The following TSBP1 variants were observed in gnomAD, a reference collection of about 807,000 sequenced individuals.
TSBP1 encodes the protein testis expressed basic protein 1.
A neutral mutation model predicts 68.8 loss-of-function variants in TSBP1; 56 were observed. That is an observed-to-expected ratio of 0.81 (90% CI 0.66 to 1.02). The LOEUF is 1.02. Ranked by LOEUF, TSBP1 falls within the 50% of genes least tolerant of loss-of-function variation. The pLI is 0.00. For synonymous variants in TSBP1, 171 were observed against 208.7 expected (o/e 0.82, Z 1.56); for missense variants, 502 against 641.2 (o/e 0.78, Z 2.34).
chr6:32,312,132 C>T (rs571653155), intron 19 of TSBP1, among the ~76,000 whole-genome samples: 3 of 152,202 alleles, frequency 2.0e-5, no homozygotes, highest in African/African-American at 4.8e-5. Context: ...TAGGCATGGT[C>T]GAGTTCTTGT....
intron 16 of TSBP1, among the ~76,000 whole-genome samples, chr6:32,327,666 C>CTTTCTTTTTT (rs1768389286): frequency 1.2e-5 from 1 of 84,128 alleles, no homozygotes; most frequent in Admixed American, 1.3e-4. Context: ...TTTTTTTTTT[C>CTTTCTTTTTT]TTTTTGAGAC....
At chr6:32,355,206 A>T in intron 7 of TSBP1, 62 bp from the exon 8 acceptor site, 2 of 1,543,972 alleles carry the variant, frequency 1.3e-6, no homozygotes, top group Non-Finnish European at 1.8e-6. Flanking sequence ...TAATCTTTAC[A>T]TATCAGCTTC....
chr6:32,328,499 T>G (rs1768542313), intron 16 of TSBP1, among the ~76,000 whole-genome samples: 1 of 151,612 alleles, frequency 6.6e-6, no homozygotes, highest in Non-Finnish European at 1.5e-5. Context: ...CACTGCAATC[T>G]CCACCTCCCA....
chr6:32,360,886 T>C (rs201235238), intron 6 of TSBP1, among the ~76,000 whole-genome samples: 3,970 of 151,946 alleles, frequency 0.026, 122 homozygotes, highest in East Asian at 0.15. Context: ...TCTCTCTCTT[T>C]TTTTTTATTA....
chr6:32,345,161 CT>C (rs111305323), intron 9 of TSBP1, among the ~76,000 whole-genome samples: 9,918 of 141,022 alleles, frequency 0.07, 327 homozygotes, highest in South Asian at 0.1. Flanking sequence ...GGCCCTTAGT[CT>C]TTTTTTTTTT....
At position 32,302,560 on chromosome 6, in the gene TSBP1, C is replaced by T. The variant is rs1325091993; in HGVS notation, c.601+49G>A. 7.7e-7 allele frequency: 1 copy of T among 1,292,682 alleles called. No homozygotes were observed. Among genetic ancestry groups the T allele is most frequent in the Non-Finnish European group, 1.1e-6 (1 of 903,998 alleles). 80.1% of individuals were successfully genotyped at this position (1,292,682 alleles called of 1,614,324 possible). ...AACATTTGTAGAAAAAATTTGCTCACCCCAGCCCTACAAGAAACTAATGTA... is the reference window on the plus strand; with the variant it reads ...AACATTTGTAGAAAAAATTTGCTCATCCCAGCCCTACAAGAAACTAATGTA... On this transcript the variant is annotated intron_variant, in intron 20 of 22. Transcript: ENST00000612031. The surrounding 1 kb of genome is among the most constrained non-coding windows in gnomAD (Gnocchi z 5.1).
Position 32,321,671 on chromosome 6 carries a change from T to C in TSBP1, c.559+1446A>G, listed in dbSNP as rs1767654324. On this transcript the variant is annotated intron_variant, in intron 18 of 22. Coordinates refer to ENST00000612031, the Ensembl canonical transcript of TSBP1. The surrounding 1 kb of genome is among the most constrained non-coding windows in gnomAD (Gnocchi z 4.3). ...GGAGAGACACTGGCTAATTCTGTGT[T>C]AATAGCTCCAATTCTCCTCTCTCAA... Among the ~76,000 whole-genome samples the C allele has an allele frequency of 6.6e-6, 1 of 152,216 alleles. No homozygotes were observed. The highest frequency in any genetic ancestry group is 2.4e-5 in the African/African-American group (1 of 41,444).
chr6:32,312,774 T>C (rs1766535329), intron 19 of TSBP1, among the ~76,000 whole-genome samples: 1 of 151,962 alleles, frequency 6.6e-6, no homozygotes, highest in Admixed American at 6.6e-5. Flanking sequence ...GCAGGCCCTG[T>C]TGGCTTTGCC....
At chr6:32,369,555 G>A (rs1241805645) in intron 2 of TSBP1, among the ~76,000 whole-genome samples, 1 of 152,066 alleles carries the variant, frequency 6.6e-6, no homozygotes, top group Non-Finnish European at 1.5e-5. Flanking sequence ...ATTTTTAGAA[G>A]AGACAGGGTT....
chr6:32,349,897 G>T, intron 8 of TSBP1, 137 bp from the exon 9 acceptor site: 1 of 929,902 alleles, frequency 1.1e-6, no homozygotes, highest in Non-Finnish European at 1.8e-6. Flanking sequence ...GGTATCAATT[G>T]CAATGCAATG....
rs1442033666 is a variant in TSBP1 at position 32,335,980 on chromosome 6, C to T, written c.431-48G>A. 7 of 1,529,460 alleles carry T rather than the reference C, an allele frequency of 4.6e-6. No individual in the cohort carries two copies. Among genetic ancestry groups the T allele is most frequent in the Non-Finnish European group, 6.3e-6 (7 of 1,110,580 alleles). 94.7% of individuals were successfully genotyped at this position (1,529,460 alleles called of 1,614,324 possible). On this transcript the variant is annotated intron_variant, in intron 12 of 22. Transcript: ENST00000612031. The surrounding 1 kb of genome is among the most constrained non-coding windows in gnomAD (Gnocchi z 5.5). Reference sequence around the variant, plus strand: ...AAGAAAAAGATATCAGTATGCTTCACCACTGTGAAGGAAATTTCCATTTCC... The same window carrying T: ...AAGAAAAAGATATCAGTATGCTTCATCACTGTGAAGGAAATTTCCATTTCC...
rs539966589 is a variant in TSBP1 at position 32,315,427 on chromosome 6, TG to T, written c.580+344del. 2.0e-5 allele frequency among the ~76,000 whole-genome samples: 3 copies of T among 152,094 alleles called. No individual in the cohort carries two copies. The highest frequency in any genetic ancestry group is 4.8e-5 in the African/African-American group (2 of 41,414). On this transcript the variant is annotated intron_variant, in intron 19 of 22. Transcript: ENST00000612031. The surrounding 1 kb of genome is among the most constrained non-coding windows in gnomAD (Gnocchi z 5.4). ...AAATACAATAATTAGCTGGGCATGG[TG>T]GCTTGCACCTGTATTGCTAGCCACT...
chr6:32,310,761 A>ATATATATATATATTTTTTTT, intron 19 of TSBP1, among the ~76,000 whole-genome samples: 1 of 144,806 alleles, frequency 6.9e-6, no homozygotes, highest in Admixed American at 6.9e-5. Flanking sequence ...ATATATATAT[A>ATATATATATATATTTTTTTT]TTTTTAATCT....
intron 7 of TSBP1, 66 bp from the exon 8 acceptor site, chr6:32,355,210 C>G: frequency 1.3e-6 from 2 of 1,513,716 alleles, no homozygotes; most frequent in Non-Finnish European, 1.8e-6. Flanking sequence ...CTTTACATAT[C>G]AGCTTCAGTT....
intron 22 of TSBP1, among the ~76,000 whole-genome samples, chr6:32,298,612 A>C (rs917790812): frequency 6.6e-6 from 1 of 152,084 alleles, no homozygotes; most frequent in African/African-American, 2.4e-5. Context: ...GCCCCTTTCA[A>C]CTTCATCTCC....
intron 16 of TSBP1, among the ~76,000 whole-genome samples, chr6:32,330,085 G>A (rs569617179): frequency 2.0e-5 from 3 of 152,248 alleles, no homozygotes; most frequent in African/African-American, 4.8e-5. Context: ...ATAGTGAGCC[G>A]GATAGGACAT....
intron 6 of TSBP1, among the ~76,000 whole-genome samples, chr6:32,358,667 T>C (rs1368527822): frequency 6.6e-6 from 1 of 151,974 alleles, no homozygotes; most frequent in African/African-American, 2.4e-5. Flanking sequence ...ATGAGGTGTT[T>C]GATTTTTTGT....
Position 32,325,415 on chromosome 6 carries a change from G to A in TSBP1, c.515-1801C>T. On this transcript the variant is annotated intron_variant, in intron 16 of 22. Coordinates refer to ENST00000612031, the Ensembl canonical transcript of TSBP1. This position sits in a 1 kb window ranked among gnomAD's most constrained non-coding sequence, Gnocchi z 4.4. ...GATTTTTCACATATGCCACTGTGGAGGAGGTGGATGCAGCCGTGAATGCAA... is the reference window on the plus strand; with the variant it reads ...GATTTTTCACATATGCCACTGTGGAAGAGGTGGATGCAGCCGTGAATGCAA... 1.1e-6 allele frequency: 1 copy of A among 928,296 alleles called. No individual in the cohort carries two copies. The highest frequency in any genetic ancestry group is 1.8e-6 in the Non-Finnish European group (1 of 570,490). 57.5% of individuals were successfully genotyped at this position (928,296 alleles called of 1,614,324 possible). A position where few individuals can be genotyped will look rare whatever the true frequency, so the allele number is the denominator to read the frequency against.
rs574912020 is a variant in TSBP1 at position 32,321,215 on chromosome 6, C to T, written c.559+1902G>A. ...AGTCTATACCCAGTAATGGGATTGG[C>T]CAGCCAACACTTAGCTATCCAAAAA... On this transcript the variant is annotated intron_variant, in intron 18 of 22. Coordinates refer to ENST00000612031, the Ensembl canonical transcript of TSBP1. This position sits in a 1 kb window ranked among gnomAD's most constrained non-coding sequence, Gnocchi z 4.3. Among the ~76,000 whole-genome samples the T allele has an allele frequency of 6.6e-6, 1 of 151,950 alleles. No individual in the cohort carries two copies. The highest frequency in any genetic ancestry group is 2.4e-5 in the African/African-American group (1 of 41,510).
Sources: allele counts gnomAD v4.1 joint callset (sites outside exome capture counted in the v4.1 genomes callset), GRCh38; gene constraint gnomAD v4.1.1; non-coding constraint Gnocchi (gnomAD v3.1); transcripts MANE v1.5; gene names NCBI Gene and HGNC (gene_info 2026-07-23, HGNC 2026-07-21).